Variants in GRIK5 observed in about 807,000 individuals in gnomAD.
GRIK5 encodes glutamate receptor ionotropic, kainate 5.
In GRIK5, 43 loss-of-function variants were observed where a neutral mutation model predicts 97.4. That is an observed-to-expected ratio of 0.44 (90% CI 0.35 to 0.57). The LOEUF (loss-of-function observed/expected upper bound fraction) is 0.57. Ranked by LOEUF, GRIK5 falls within the 20% of genes least tolerant of loss-of-function variation. GRIK5 has a pLI of 0.01. For missense variants in GRIK5, 1,015 were observed against 1,382.0 expected, an observed-to-expected ratio of 0.73 and a Z score of 4.21; for synonymous variants, 580 against 583.5, an observed-to-expected ratio of 0.99 and a Z score of 0.09.
rs2076272291 is a variant in GRIK5 at position 42,062,528 on chromosome 19, G to A, written c.468C>T (p.Phe156=). Residue 156 remains phenylalanine, a synonymous_variant, in exon 5 of 20, where the codon TTC becomes TTT. Coordinates refer to ENST00000593562, the MANE Select transcript of GRIK5 (RefSeq NM_002088.5). The surrounding 1 kb of genome is among the most constrained non-coding windows in gnomAD (Gnocchi z 5.3). ...SLAVSRILKS[F]NYPSASLICA... ...AGATGAGGCTGGCCGAGGGGTAGTT[G>A]AAGGACTTGAGGATTCGGGAGACCG... 2 of 1,614,158 alleles carry A rather than the reference G, an allele frequency of 1.2e-6. No homozygotes were observed. Among genetic ancestry groups the A allele is most frequent in the Non-Finnish European group, 1.7e-6 (2 of 1,180,008 alleles).
At chr19:42,004,290 A>G (rs773963919) in intron 17 of GRIK5, among the ~76,000 whole-genome samples, 1 of 152,016 alleles carries the variant, frequency 6.6e-6, no homozygotes, top group Non-Finnish European at 1.5e-5. Context: ...ACACCAGACG[A>G]ATCCCCATCC....
In GRIK5 at chr19:42,062,919, C is replaced by T; in HGVS notation, c.245-64G>A. ...CCCTGCCTCCTCTCCTTCCCCATCC[C>T]TCAGGGAGCCGCCATGGCCCAGGAG... is the stretch of plus-strand genomic sequence containing the variant. On this transcript the variant is annotated intron_variant, in intron 3 of 19. Coordinates refer to ENST00000593562, the MANE Select transcript of GRIK5 (RefSeq NM_002088.5). The surrounding 1 kb of genome is among the most constrained non-coding windows in gnomAD (Gnocchi z 5.3). 9 of 1,232,634 alleles carry T rather than the reference C, an allele frequency of 7.3e-6. 1 individual carries two copies. In the South Asian group the frequency reaches 9.7e-5, roughly 13 times the overall value. 76.4% of individuals were successfully genotyped at this position (1,232,634 alleles called of 1,614,324 possible).
intron 6 of GRIK5, among the ~76,000 whole-genome samples, chr19:42,057,491 C>A (rs2076202930): frequency 6.6e-6 from 1 of 152,018 alleles, no homozygotes; most frequent in Admixed American, 6.6e-5. Context: ...CCCACCTCAG[C>A]TCCTGAGTAC....
intron 15 of GRIK5, among the ~76,000 whole-genome samples, chr19:42,011,904 T>C (rs1198658662): frequency 6.6e-6 from 1 of 150,988 alleles, no homozygotes; most frequent in Non-Finnish European, 1.5e-5. Flanking sequence ...AGCCCAGGAG[T>C]CGTGTTCGTG....
rs1278068180 is a variant in GRIK5 at position 42,062,266 on chromosome 19, T to G, written c.508+222A>C. On this transcript the variant is annotated intron_variant, in intron 5 of 19. Transcript: ENST00000593562. The surrounding 1 kb of genome is among the most constrained non-coding windows in gnomAD (Gnocchi z 5.3). ...CAGGGCCTAGCAGAGGGCCTTGACA[T>G]GGCAGGTGCTTAGTCACCATCTGGG... 2.0e-5 allele frequency among the ~76,000 whole-genome samples: 3 copies of G among 152,210 alleles called. No individual in the cohort carries two copies. The highest frequency in any genetic ancestry group is 2.0e-4 in the Admixed American group (3 of 15,296).
intron 15 of GRIK5, among the ~76,000 whole-genome samples, chr19:42,011,321 G>A (rs939748782): frequency 6.6e-6 from 1 of 151,918 alleles, no homozygotes; most frequent in African/African-American, 2.4e-5. Flanking sequence ...GGGAGGCCGA[G>A]GCAGGAGGAT....
intron 8 of GRIK5, 110 bp from the exon 9 acceptor site, chr19:42,054,582 C>T: frequency 1.6e-6 from 2 of 1,254,294 alleles, no homozygotes; most frequent in Non-Finnish European, 2.2e-6. Context: ...TTCCCTCTCC[C>T]CAGGAATGGG....
intron 17 of GRIK5, among the ~76,000 whole-genome samples, chr19:42,004,173 C>G (rs2075459079): frequency 6.6e-6 from 1 of 152,180 alleles, no homozygotes; most frequent in Non-Finnish European, 1.5e-5. Flanking sequence ...TCAGTGTCTT[C>G]CCTTTAATTT....
At position 42,069,848 on chromosome 19, in the gene GRIK5, G is replaced by A. The variant is rs1599867353; in HGVS notation, c.-658C>T. On this transcript the variant is annotated 5_prime_UTR_variant, in exon 1 of 20. Coordinates refer to ENST00000593562, the MANE Select transcript of GRIK5 (RefSeq NM_002088.5). Reference sequence around the variant, plus strand: ...CCCCCACGGGAAAAGCATGCTGGGGGCGGGGAGAGCCCGGGAGTGGAGAGC... The same window carrying A: ...CCCCCACGGGAAAAGCATGCTGGGGACGGGGAGAGCCCGGGAGTGGAGAGC... 6.6e-6 allele frequency among the ~76,000 whole-genome samples: 1 copy of A among 152,152 alleles called. No individual in the cohort carries two copies. Among genetic ancestry groups the A allele is most frequent in the East Asian group, 1.9e-4 (1 of 5,164 alleles).
At chr19:42,025,022 G>A (rs997401332) in intron 12 of GRIK5, among the ~76,000 whole-genome samples, 1 of 152,210 alleles carries the variant, frequency 6.6e-6, no homozygotes, top group African/African-American at 2.4e-5. Context: ...GGCCAGCTTA[G>A]AGCAGGATCT....
At chr19:42,031,249 A>T (rs940024743) in intron 12 of GRIK5, among the ~76,000 whole-genome samples, 1 of 152,196 alleles carries the variant, frequency 6.6e-6, no homozygotes, top group Admixed American at 6.5e-5. Flanking sequence ...TGTAGATGGG[A>T]TCACTACCCC....
intron 5 of GRIK5, among the ~76,000 whole-genome samples, chr19:42,060,611 C>T (rs1469648249): frequency 6.6e-6 from 1 of 151,114 alleles, no homozygotes; most frequent in African/African-American, 2.4e-5. Context: ...CAGCCCACAG[C>T]TCCTCCTCTC....
chr19:42,003,812 C>T lies in GRIK5; in HGVS notation c.2264-129G>A. 1.0e-6 allele frequency: 1 copy of T among 956,526 alleles called. No individual in the cohort carries two copies. The highest frequency in any genetic ancestry group is 1.5e-6 in the Non-Finnish European group (1 of 663,558). The allele number at this position is 956,526 out of a possible 1,614,324, so 59.3% of individuals were successfully genotyped here. A position where few individuals can be genotyped will look rare whatever the true frequency, so the allele number is the denominator to read the frequency against. On this transcript the variant is annotated intron_variant, in intron 17 of 19. Coordinates refer to ENST00000593562, the MANE Select transcript of GRIK5 (RefSeq NM_002088.5). This position sits in a 1 kb window ranked among gnomAD's most constrained non-coding sequence, Gnocchi z 4.2. ...ACGTGCCCAGGGTCTTCCCTGCAGC[C>T]TCTCCTCACCCCCAGCCCAGTCTCC...
intron 15 of GRIK5, among the ~76,000 whole-genome samples, chr19:42,019,933 CT>C (rs779349897): frequency 1.3e-5 from 2 of 150,880 alleles, no homozygotes; most frequent in Non-Finnish European, 2.9e-5. Flanking sequence ...TTTGTGGTAA[CT>C]TTTTGCAGTA....
chr19:42,000,322 G>A (rs145030148), intron 19 of GRIK5, among the ~76,000 whole-genome samples: 3 of 152,338 alleles, frequency 2.0e-5, no homozygotes, highest in East Asian at 1.9e-4. Flanking sequence ...ACAATAACCC[G>A]GGCAGGAGAT....
intron 15 of GRIK5, among the ~76,000 whole-genome samples, chr19:42,016,750 GC>G (rs553146552): frequency 2.8e-4 from 43 of 152,268 alleles, no homozygotes; most frequent in Admixed American, 2.8e-3. Context: ...AGGTGAGATG[GC>G]CCCTGACAAG....
At position 42,053,707 on chromosome 19, in the gene GRIK5, A is replaced by G. The variant is rs754983458; in HGVS notation, c.1164T>C (p.Ile388=). 6.3e-7 allele frequency: 1 copy of G among 1,598,128 alleles called. No homozygotes were observed. Among genetic ancestry groups the G allele is most frequent in the South Asian group, 1.1e-5 (1 of 90,762 alleles). ...GGGTGCGGTTAGAGTACCACACCCC[A>G]ATCTAGGGGGCAGAGAGGGTGCTGT... ...LEKSRQGHRE[I]GVWYSNRTLA... Residue 388 remains isoleucine, a splice_region_variant and synonymous_variant, in exon 11 of 20, where the codon ATT becomes ATC. Transcript: ENST00000593562.
At chr19:42,057,180 C>T (rs2076197894) in intron 6 of GRIK5, among the ~76,000 whole-genome samples, 1 of 152,004 alleles carries the variant, frequency 6.6e-6, no homozygotes, top group Non-Finnish European at 1.5e-5. Context: ...GGCCTTAGTC[C>T]CTGGTGTCCC....
intron 12 of GRIK5, among the ~76,000 whole-genome samples, chr19:42,032,328 A>G (rs1298017516): frequency 1.3e-5 from 2 of 152,248 alleles, no homozygotes; most frequent in Non-Finnish European, 1.5e-5. Context: ...AGAGATTGGT[A>G]ACACTGACTG....
Sources: allele counts gnomAD v4.1 joint callset (sites outside exome capture counted in the v4.1 genomes callset), GRCh38; gene constraint gnomAD v4.1.1; non-coding constraint Gnocchi (gnomAD v3.1); transcripts MANE v1.5; gene names NCBI Gene and HGNC (gene_info 2026-07-23, HGNC 2026-07-21).